ARID1B: variants seen among roughly 807,000 people sequenced by gnomAD.
ARID1B encodes the protein AT-rich interaction domain 1B.
In ARID1B, 30 loss-of-function variants were observed where a neutral mutation model predicts 212.3. The ratio of observed to expected loss-of-function variants is 0.14; its 90% CI spans 0.11 to 0.19. The LOEUF is 0.19. Ranked by LOEUF, ARID1B falls within the 10% of genes least tolerant of loss-of-function variation. The pLI is 1.00. For synonymous variants in ARID1B, 1,402 were observed against 1,301.7 expected (o/e 1.08, Z -1.66); for missense variants, 2,891 against 3,204.0 (o/e 0.90, Z 2.36).
In ARID1B at chr6:157,073,212, C is replaced by T. The variant is rs192072232; in HGVS notation, c.2248-11450C>T. Among the ~76,000 whole-genome samples the T allele has an allele frequency of 5.4e-3, 814 of 151,244 alleles. 9 individuals are homozygous for T. The highest frequency in any genetic ancestry group is 0.01 in the Middle Eastern group (3 of 292). On this transcript the variant is annotated intron_variant, in intron 4 of 19. Transcript: ENST00000636930. ...CCGCCTCCTGGGTTCAGGGAATTCT[C>T]CTGCCCCAGCCTCCTGAATAGCTGG...
intron 1 of ARID1B, among the ~76,000 whole-genome samples, chr6:156,825,152 G>A (rs1294368587): frequency 6.6e-6 from 1 of 152,132 alleles, no homozygotes; most frequent in Non-Finnish European, 1.5e-5. Flanking sequence ...GGCGTGAGCC[G>A]CCGCACTTGG....
chr6:156,891,320 A>G (rs1255726775), intron 2 of ARID1B, among the ~76,000 whole-genome samples: 1 of 152,226 alleles, frequency 6.6e-6, no homozygotes, highest in African/African-American at 2.4e-5. Context: ...CCCATTTTGT[A>G]GAATTTACCT....
At chr6:156,883,927 G>A (rs966057819) in intron 2 of ARID1B, among the ~76,000 whole-genome samples, 3 of 152,140 alleles carry the variant, frequency 2.0e-5, no homozygotes, top group African/African-American at 7.2e-5. Context: ...CAGGGAAGAG[G>A]CATTTCAGGA....
intron 1 of ARID1B, among the ~76,000 whole-genome samples, chr6:156,803,570 A>G (rs1780937617): frequency 6.7e-6 from 1 of 148,258 alleles, no homozygotes. Flanking sequence ...TTTCTCTTCA[A>G]GTGAATGCTT....
intron 15 of ARID1B, chr6:157,194,591 A>G (rs1411982695): frequency 6.6e-6 from 1 of 152,224 alleles, no homozygotes; most frequent in African/African-American, 2.4e-5. Flanking sequence ...GCTAATTTGC[A>G]TGTACTACCT....
chr6:157,105,792 G>A (rs1786434649), intron 5 of ARID1B, among the ~76,000 whole-genome samples: 1 of 151,934 alleles, frequency 6.6e-6, no homozygotes, highest in South Asian at 2.1e-4. Context: ...AATAGAGACG[G>A]GGTTTCACCA....
intron 1 of ARID1B, among the ~76,000 whole-genome samples, chr6:156,787,852 C>G (rs141755808): frequency 2.3e-3 from 355 of 152,172 alleles, no homozygotes; most frequent in Non-Finnish European, 3.5e-3. Context: ...CTGGTCAGAC[C>G]TTAGCTCATT....
At chr6:157,191,009 G>A (rs554408274) in intron 15 of ARID1B, among the ~76,000 whole-genome samples, 157 of 152,256 alleles carry the variant, frequency 1.0e-3, no homozygotes, top group African/African-American at 3.7e-3. Flanking sequence ...TGAGGCCGGC[G>A]GGGCCAAAGC....
intron 4 of ARID1B, among the ~76,000 whole-genome samples, chr6:157,039,642 C>CTTCCTTCCTTCCTTCCTTCT (rs1781609551): frequency 8.2e-6 from 1 of 122,574 alleles, no homozygotes; most frequent in Non-Finnish European, 1.7e-5. Context: ...TCCTTCCTTC[C>CTTCCTTCCTTCCTTCCTTCT]TTCTTTCCTT....
intron 2 of ARID1B, among the ~76,000 whole-genome samples, chr6:156,897,244 T>TTCTTCTTCC (rs1788516671): frequency 8.9e-6 from 1 of 111,874 alleles, no homozygotes; most frequent in Non-Finnish European, 1.8e-5. Context: ...CTTCTTCTTC[T>TTCTTCTTCC]TCTTCTTCTT....
At chr6:156,795,877 T>TA (rs200660362) in intron 1 of ARID1B, among the ~76,000 whole-genome samples, 6,179 of 151,960 alleles carry the variant, frequency 0.041, 190 homozygotes, top group Non-Finnish European at 0.058. Context: ...CACAGCTTTT[T>TA]AAAAAAAAAT....
chr6:157,007,021 A>T (rs1215253597), intron 4 of ARID1B, among the ~76,000 whole-genome samples: 1 of 152,226 alleles, frequency 6.6e-6, no homozygotes, highest in Non-Finnish European at 1.5e-5. Context: ...TAACTTTGTA[A>T]TTCTGCTTTT....
At chr6:157,155,096 C>T (rs758428793) in intron 8 of ARID1B, among the ~76,000 whole-genome samples, 10 of 152,136 alleles carry the variant, frequency 6.6e-5, no homozygotes, top group Non-Finnish European at 1.2e-4. Flanking sequence ...AAAGGAAATA[C>T]ATGCTTTGCA....
intron 4 of ARID1B, among the ~76,000 whole-genome samples, chr6:157,053,739 A>G (rs1296741791): frequency 2.0e-5 from 3 of 152,106 alleles, no homozygotes; most frequent in African/African-American, 2.4e-5. Context: ...AAGCCTTTCT[A>G]TAAGTTTGAT....
chr6:157,142,903 T>C (rs2128614813), intron 7 of ARID1B, among the ~76,000 whole-genome samples: 1 of 152,332 alleles, frequency 6.6e-6, no homozygotes, highest in African/African-American at 2.4e-5. Flanking sequence ...GTTGAGTGAT[T>C]GGAACTTAGA....
At chr6:156,837,366 A>C (rs866705475) in intron 2 of ARID1B, among the ~76,000 whole-genome samples, 3 of 152,240 alleles carry the variant, frequency 2.0e-5, no homozygotes, top group Non-Finnish European at 4.4e-5. Context: ...AAACAAGTAT[A>C]TATTGAACAA....
chr6:156,942,117 A>T (rs1792720649), intron 4 of ARID1B: 1 of 152,236 alleles, frequency 6.6e-6, no homozygotes, highest in Non-Finnish European at 1.5e-5. Flanking sequence ...AGGAGTGTCA[A>T]TTAGTTCCTA....
At chr6:156,846,748 G>T (rs1405556401) in intron 2 of ARID1B, among the ~76,000 whole-genome samples, 3 of 152,108 alleles carry the variant, frequency 2.0e-5, no homozygotes, top group Non-Finnish European at 4.4e-5. Context: ...CCATGGACTC[G>T]CCTGCTGTGG....
rs181601092 is a variant in ARID1B, at chr6:156,867,415, A to G, written c.1987-33961A>G. Among the ~76,000 whole-genome samples, 5 of 152,290 alleles carry G rather than the reference A, an allele frequency of 3.3e-5. No homozygotes were observed. The East Asian group carries it at 9.6e-4, about 29-fold the overall frequency. On this transcript the variant is annotated intron_variant, in intron 2 of 19. Coordinates refer to ENST00000636930, the MANE Select transcript of ARID1B (RefSeq NM_001374828.1). ...CCTTGGGCATAAACTGAGCTGGGAG[A>G]AAGGGATGTTTCCTCCCACAAATAA...
Sources: gnomAD v4.1 joint callset for allele counts (sites outside exome capture counted in the v4.1 genomes callset) on GRCh38, gnomAD v4.1.1 for gene constraint, MANE v1.5 for transcripts, NCBI Gene and HGNC (gene_info 2026-07-23, HGNC 2026-07-21) for gene names.